The following ALK variants were observed in gnomAD, a reference collection of about 807,000 sequenced individuals.
ALK encodes ALK tyrosine kinase receptor.
Under a neutral mutation model 163.1 loss-of-function variants are expected in ALK, and 74 were observed. The observed-to-expected ratio is 0.45, with a 90% CI of 0.38 to 0.55. The LOEUF (loss-of-function observed/expected upper bound fraction) is 0.55. Ranked by LOEUF, ALK falls within the 20% of genes least tolerant of loss-of-function variation. ALK has a pLI of 0.00. For synonymous variants in ALK, 960 were observed against 843.2 expected, an observed-to-expected ratio of 1.14 and a Z score of -2.40; for missense variants, 2,063 against 2,105.3, an observed-to-expected ratio of 0.98 and a Z score of 0.39.
At chr2:29,674,095 A>G (rs2148273043) in intron 3 of ALK, among the ~76,000 whole-genome samples, 1 of 148,414 alleles carries the variant, frequency 6.7e-6, no homozygotes, top group South Asian at 2.2e-4. Flanking sequence ...GGGGTTTTCT[A>G]GATATACAAT....
intron 6 of ALK, among the ~76,000 whole-genome samples, chr2:29,326,932 C>T (rs1284052739): frequency 1.3e-5 from 2 of 152,178 alleles, no homozygotes; most frequent in African/African-American, 4.8e-5. Flanking sequence ...ACCCCAGGCA[C>T]CATTCTGCCT....
intron 4 of ALK, among the ~76,000 whole-genome samples, chr2:29,416,441 A>G (rs766753960): frequency 6.6e-5 from 10 of 152,260 alleles, no homozygotes; most frequent in Non-Finnish European, 8.8e-5. Flanking sequence ...TTCTAGAAAT[A>G]TCAAATGTGG....
At position 29,296,722 on chromosome 2, in the gene ALK, A is replaced by AGT. The variant is rs3054024; in HGVS notation, c.1817+164_1817+165dup. On this transcript the variant is annotated intron_variant, in intron 9 of 28. Transcript: ENST00000389048. The stretch of plus-strand genomic sequence containing the variant: ...ACTGCAGAAAGTGTGTAACCTGCAG[A>AGT]GTGTGTGTGTGTGTGTGTGCACGTG... 0.027 allele frequency among the ~76,000 whole-genome samples: 4,135 copies of AGT among 150,416 alleles called. 77 individuals are homozygous for AGT. Among genetic ancestry groups the AGT allele is most frequent in the Middle Eastern group, 0.045 (13 of 288 alleles).
At chr2:29,311,015 C>T (rs1200641392) in intron 8 of ALK, among the ~76,000 whole-genome samples, 1 of 152,224 alleles carries the variant, frequency 6.6e-6, no homozygotes, top group African/African-American at 2.4e-5. Flanking sequence ...ACCACTGCAG[C>T]TTCCTCCTTT....
chr2:29,432,491 C>G (rs1349283055), intron 4 of ALK, among the ~76,000 whole-genome samples: 2 of 152,132 alleles, frequency 1.3e-5, no homozygotes, highest in African/African-American at 2.4e-5. Flanking sequence ...AAGCCCTTTT[C>G]TTTATAAATT....
At chr2:29,752,185 T>G (rs1293871946) in intron 1 of ALK, among the ~76,000 whole-genome samples, 2 of 152,134 alleles carry the variant, frequency 1.3e-5, no homozygotes, top group Non-Finnish European at 2.9e-5. Context: ...TGCCTTTTTT[T>G]GTTTATTTTT....
chr2:29,742,187 G>A (rs80246470), intron 1 of ALK, among the ~76,000 whole-genome samples: 9,545 of 152,326 alleles, frequency 0.063, 785 homozygotes, highest in African/African-American at 0.19. Context: ...CCCTCTTTCT[G>A]GAGGGAAAAT....
intron 4 of ALK, among the ~76,000 whole-genome samples, chr2:29,472,910 C>T (rs1671381549): frequency 6.6e-6 from 1 of 152,190 alleles, no homozygotes; most frequent in South Asian, 2.1e-4. Flanking sequence ...GGAAGACTCA[C>T]TATAGTTAGA....
chr2:29,225,481 G>A lies in ALK; in HGVS notation c.3152C>T (p.Ala1051Val). 1 of 1,613,328 alleles carries A rather than the reference G, an allele frequency of 6.2e-7. No individual in the cohort carries two copies. Among genetic ancestry groups the A allele is most frequent in the South Asian group, 1.1e-5 (1 of 90,612 alleles). ...CTCACCAATCATGATGCCGGAGAAA[G>A]CCAGGACCAGGGCGGCCACGAGGGC... ...TSALVAALVL[A>V]FSGIMIVYRR... Residue 1051 changes from alanine (A) to valine (V), a missense_variant, in exon 19 of 29, where the codon GCT (alanine) becomes GTT (valine). By Grantham distance (64) the Ala-to-Val change is moderately conservative. Coordinates refer to ENST00000389048, the MANE Select transcript of ALK (RefSeq NM_004304.5).
intron 1 of ALK, among the ~76,000 whole-genome samples, chr2:29,831,645 C>A (rs1242442699): frequency 6.6e-6 from 1 of 152,198 alleles, no homozygotes; most frequent in Non-Finnish European, 1.5e-5. Context: ...CAGTGCAATG[C>A]CTTCTCAAGA....
At chr2:29,369,308 TTGTGTG>T (rs3054016) in intron 5 of ALK, among the ~76,000 whole-genome samples, 5 of 145,374 alleles carry the variant, frequency 3.4e-5, no homozygotes, top group South Asian at 4.3e-4. Flanking sequence ...ACGTGCATAT[TTGTGTG>T]TGTGTGTGTG....
chr2:29,216,880 G>A (rs1050207427), intron 23 of ALK, among the ~76,000 whole-genome samples: 2 of 144,048 alleles, frequency 1.4e-5, no homozygotes, highest in Admixed American at 6.9e-5. Flanking sequence ...TGTGTGCGTG[G>A]CATGTGTGAT....
intron 3 of ALK, among the ~76,000 whole-genome samples, chr2:29,618,957 C>T (rs559420970): frequency 3.1e-4 from 46 of 149,602 alleles, no homozygotes; most frequent in African/African-American, 8.4e-4. Context: ...ACAGCCTGGG[C>T]GACAAAGCGA....
chr2:29,239,095 T>G (rs1664454103), intron 13 of ALK, among the ~76,000 whole-genome samples: 2 of 152,238 alleles, frequency 1.3e-5, no homozygotes, highest in Admixed American at 1.3e-4. Context: ...GAGACATTTT[T>G]TATGCAAAAG....
chr2:29,377,521 G>T (rs1668786230), intron 5 of ALK, among the ~76,000 whole-genome samples: 1 of 151,170 alleles, frequency 6.6e-6, no homozygotes, highest in Non-Finnish European at 1.5e-5. Flanking sequence ...ACTGTCCAAT[G>T]GTTCTTAAAA....
At chr2:29,490,885 G>C (rs1277004262) in intron 4 of ALK, among the ~76,000 whole-genome samples, 1 of 152,106 alleles carries the variant, frequency 6.6e-6, no homozygotes, top group Non-Finnish European at 1.5e-5. Flanking sequence ...CAAGATGTCT[G>C]CAACAGCTGT....
chr2:29,419,509 T>C (rs1669965984), intron 4 of ALK, among the ~76,000 whole-genome samples: 1 of 151,306 alleles, frequency 6.6e-6, no homozygotes, highest in Non-Finnish European at 1.5e-5. Flanking sequence ...ATAGAAAGGT[T>C]ACAGAATTGG....
Position 29,193,918 on chromosome 2 carries a change from G to A in ALK, c.4169C>T (p.Pro1390Leu), listed in dbSNP as rs1293906412. ...CGGCAAAGCGGTGTTGATTACATCC[G>A]GGTCCTGCCGTAGGGGAAATTATTA... The part of the protein sequence containing the change: ...LERIEYCTQD[P>L]DVINTALPIE... Residue 1390 changes from proline to leucine, a missense_variant, in exon 29 of 29, where the codon CCG becomes CTG. Pro to Leu is a moderately conservative substitution (Grantham distance 98, BLOSUM62 -3). Transcript: ENST00000389048. 6.2e-6 allele frequency: 10 copies of A among 1,614,142 alleles called. No homozygotes were observed. Among genetic ancestry groups the A allele is most frequent in the South Asian group, 1.1e-5 (1 of 91,072 alleles).
intron 2 of ALK, among the ~76,000 whole-genome samples, chr2:29,697,909 C>A (rs1283994167): frequency 6.6e-6 from 1 of 152,204 alleles, no homozygotes; most frequent in African/African-American, 2.4e-5. Context: ...GTGTCCACAC[C>A]CATAGACAGC....
Sources: gnomAD v4.1 joint callset for allele counts (sites outside exome capture counted in the v4.1 genomes callset) on GRCh38, gnomAD v4.1.1 for gene constraint, MANE v1.5 for transcripts, NCBI Gene and HGNC (gene_info 2026-07-23, HGNC 2026-07-21) for gene names.